NDST3: variants seen among roughly 807,000 people sequenced by gnomAD.
NDST3 encodes the protein N-deacetylase and N-sulfotransferase 3.
A neutral mutation model predicts 96.1 loss-of-function variants in NDST3; 58 were observed. The observed-to-expected ratio is 0.60, with a 90% CI of 0.49 to 0.75. The LOEUF (loss-of-function observed/expected upper bound fraction) is 0.75. Among genes scored for constraint, NDST3 ranks in the 30% least tolerant of loss-of-function variants. The pLI is 0.00. For missense variants in NDST3, 788 were observed against 1,034.2 expected (o/e 0.76, Z 3.27); for synonymous variants, 333 against 359.7 (o/e 0.93, Z 0.84).
chr4:118,050,352 A>T (rs1372251078), intron 1 of NDST3, among the ~76,000 whole-genome samples: 1 of 152,058 alleles, frequency 6.6e-6, no homozygotes, highest in Non-Finnish European at 1.5e-5. Context: ...CACCACTCCT[A>T]TAGCACTGGA....
chr4:118,062,004 T>C (rs1725934378), intron 2 of NDST3, among the ~76,000 whole-genome samples: 1 of 152,138 alleles, frequency 6.6e-6, no homozygotes, highest in Admixed American at 6.6e-5. Context: ...GTGTTTGCCT[T>C]ATTTGAATAT....
At chr4:118,216,583 G>A (rs567566585) in intron 6 of NDST3, among the ~76,000 whole-genome samples, 53 of 152,036 alleles carry the variant, frequency 3.5e-4, no homozygotes, top group Non-Finnish European at 7.1e-4. Context: ...AGTAGGTGGT[G>A]GAGCCCTCTT....
intron 6 of NDST3, among the ~76,000 whole-genome samples, chr4:118,184,602 T>TACACACACACACACACACACACAC (rs562099266): frequency 7.2e-5 from 10 of 138,488 alleles, no homozygotes; most frequent in Non-Finnish European, 1.6e-4. Flanking sequence ...TCTCTCTCTC[T>TACACACACACACACACACACACAC]ACACACACAC....
chr4:118,090,656 G>C (rs1281814064), intron 2 of NDST3, among the ~76,000 whole-genome samples: 1 of 151,764 alleles, frequency 6.6e-6, no homozygotes, highest in Non-Finnish European at 1.5e-5. Flanking sequence ...TATTTATTTT[G>C]AACCTGTAAT....
At chr4:118,222,332 AAG>A (rs1485102089) in intron 6 of NDST3, among the ~76,000 whole-genome samples, 1 of 152,016 alleles carries the variant, frequency 6.6e-6, no homozygotes, top group Non-Finnish European at 1.5e-5. Flanking sequence ...GTAACAAAGA[AAG>A]AGAGGTTACA....
At chr4:118,171,427 G>T (rs1377083549) in intron 6 of NDST3, among the ~76,000 whole-genome samples, 2 of 152,166 alleles carry the variant, frequency 1.3e-5, no homozygotes, top group Admixed American at 6.5e-5. Context: ...TCATATCTGA[G>T]ATTTAGATTG....
At chr4:118,143,480 T>C in intron 5 of NDST3, 76 bp from the exon 6 acceptor site, 1 of 1,489,622 alleles carries the variant, frequency 6.7e-7, no homozygotes, top group South Asian at 1.3e-5. Flanking sequence ...TCATCTTGTG[T>C]GAGCAAAAAG....
chr4:118,087,766 G>A (rs752062463), intron 2 of NDST3, among the ~76,000 whole-genome samples: 5 of 152,028 alleles, frequency 3.3e-5, no homozygotes, highest in African/African-American at 9.7e-5. Context: ...GAAAATTAAA[G>A]TACACACTTA....
intron 4 of NDST3, among the ~76,000 whole-genome samples, chr4:118,126,515 TATATATATATATATATATACAC>T (rs56197926): frequency 0.42 from 37,669 of 89,760 alleles, 5,121 homozygotes; most frequent in South Asian, 0.5. Context: ...TATGTATGTG[TATATATATATATATATATACAC>T]ATATATATAT....
intron 6 of NDST3, among the ~76,000 whole-genome samples, chr4:118,196,552 A>G (rs1170250654): frequency 2.0e-5 from 3 of 151,926 alleles, no homozygotes; most frequent in African/African-American, 7.3e-5. Flanking sequence ...CAAGTTTTGG[A>G]TTTCTTCATG....
Position 118,233,154 on chromosome 4 carries a change from AT to A in NDST3, c.1943+20del, listed in dbSNP as rs539616050. On this transcript the variant is annotated intron_variant, in intron 9 of 13. Coordinates refer to ENST00000296499, the MANE Select transcript of NDST3 (RefSeq NM_004784.3). ...TTGATTGGTAAGATGGGTTATTAGT[AT>A]AAATCTAAAAGTATATGTACTGTGC... The A allele has an allele frequency of 2.5e-6, 4 of 1,601,530 alleles. No individual in the cohort carries two copies. The South Asian group carries it at 4.4e-5, about 18-fold the overall frequency.
intron 4 of NDST3, among the ~76,000 whole-genome samples, chr4:118,130,157 T>G (rs1451254415): frequency 6.6e-6 from 1 of 152,160 alleles, no homozygotes; most frequent in Non-Finnish European, 1.5e-5. Flanking sequence ...CTGTGTCTTT[T>G]GATCAGAGAG....
intron 13 of NDST3, among the ~76,000 whole-genome samples, chr4:118,253,983 G>A (rs1003760841): frequency 9.2e-5 from 14 of 152,198 alleles, no homozygotes; most frequent in African/African-American, 2.9e-4. Context: ...GCTCATGCCT[G>A]TAATCTCAGC....
At chr4:118,037,628 G>C (rs538514751) in intron 1 of NDST3, among the ~76,000 whole-genome samples, 1 of 152,238 alleles carries the variant, frequency 6.6e-6, no homozygotes, top group South Asian at 2.1e-4. Flanking sequence ...CCTTACATAT[G>C]AAATACTCAT....
chr4:118,057,556 GT>G (rs1725529837), intron 2 of NDST3, among the ~76,000 whole-genome samples: 1 of 152,174 alleles, frequency 6.6e-6, no homozygotes, highest in South Asian at 2.1e-4. Context: ...TTGAATAAGA[GT>G]TTGAAAGAAC....
chr4:118,250,319 T>C (rs1167262866), intron 12 of NDST3, among the ~76,000 whole-genome samples: 1 of 152,234 alleles, frequency 6.6e-6, no homozygotes, highest in Non-Finnish European at 1.5e-5. Flanking sequence ...TTGTTCCATG[T>C]CTTTGCCAAC....
intron 4 of NDST3, among the ~76,000 whole-genome samples, chr4:118,126,480 C>T (rs1213403785): frequency 6.7e-6 from 1 of 150,010 alleles, no homozygotes; most frequent in East Asian, 2.0e-4. Flanking sequence ...GAATAGTACA[C>T]CACTGTGTAC....
intron 4 of NDST3, among the ~76,000 whole-genome samples, chr4:118,136,280 A>G (rs1733085002): frequency 6.6e-6 from 1 of 152,246 alleles, no homozygotes; most frequent in Admixed American, 6.5e-5. Flanking sequence ...ATACTATTTA[A>G]CAACCACCAG....
At chr4:118,048,051 C>A (rs1000398248) in intron 1 of NDST3, among the ~76,000 whole-genome samples, 3 of 152,152 alleles carry the variant, frequency 2.0e-5, no homozygotes, top group African/African-American at 7.2e-5. Flanking sequence ...AACATTACAA[C>A]CAGAAGAGAT....
Sources: gnomAD v4.1 joint callset for allele counts (sites outside exome capture counted in the v4.1 genomes callset) on GRCh38, gnomAD v4.1.1 for gene constraint, MANE v1.5 for transcripts, NCBI Gene and HGNC (gene_info 2026-07-23, HGNC 2026-07-21) for gene names.